Variants in ETV5 observed in about 807,000 individuals in gnomAD.
ETV5 encodes the protein ETS variant transcription factor 5, also known as ETS translocation variant 5.
A neutral mutation model predicts 70.0 loss-of-function variants in ETV5; 10 were observed. That is an observed-to-expected ratio of 0.14 (90% CI 0.09 to 0.24). The LOEUF (loss-of-function observed/expected upper bound fraction) is 0.24, where lower values mean the gene tolerates loss of function less well. Ranked by LOEUF, ETV5 falls within the 10% of genes least tolerant of loss-of-function variation. The pLI, the probability that ETV5 is intolerant of heterozygous loss-of-function variation, is 1.00. For synonymous variants in ETV5, 216 were observed against 242.2 expected, an observed-to-expected ratio of 0.89 and a Z score of 1.01; for missense variants, 453 against 651.2, an observed-to-expected ratio of 0.70 and a Z score of 3.31.
chr3:186,075,290 G>A lies in ETV5; in HGVS notation c.650+4527C>T, dbSNP rs1172678523. Among the ~76,000 whole-genome samples, 33 of 152,186 alleles carry A rather than the reference G, an allele frequency of 2.2e-4. 1 individual carries two copies. Among genetic ancestry groups the A allele is most frequent in the Admixed American group, 2.2e-3 (33 of 15,270 alleles). ...TGCCATACACAACATGTTATTAACAGGCACTTGGAGAAGAGATGCATCAGG... is the reference window on the plus strand; with the variant it reads ...TGCCATACACAACATGTTATTAACAAGCACTTGGAGAAGAGATGCATCAGG... On this transcript the variant is annotated intron_variant, in intron 7 of 12. Coordinates refer to ENST00000306376, the MANE Select transcript of ETV5 (RefSeq NM_004454.3).
intron 7 of ETV5, among the ~76,000 whole-genome samples, chr3:186,074,240 A>C (rs1553787925): frequency 6.6e-6 from 1 of 152,174 alleles, no homozygotes; most frequent in Non-Finnish European, 1.5e-5. Flanking sequence ...AAAATGGACA[A>C]CTTCTTAGAA....
intron 9 of ETV5, among the ~76,000 whole-genome samples, chr3:186,059,131 T>C (rs548912880): frequency 6.6e-6 from 1 of 152,230 alleles, no homozygotes; most frequent in South Asian, 2.1e-4. Context: ...CCAGATCAAG[T>C]AGCTTCTTGG....
chr3:186,106,302 G>T (rs1432907006), intron 1 of ETV5, among the ~76,000 whole-genome samples: 1 of 152,102 alleles, frequency 6.6e-6, no homozygotes, highest in Non-Finnish European at 1.5e-5. Context: ...TTTGTAGTAG[G>T]GTTTTTAAAA....
At chr3:186,083,800 TA>T (rs756552778) in intron 5 of ETV5, among the ~76,000 whole-genome samples, 4 of 152,118 alleles carry the variant, frequency 2.6e-5, no homozygotes, top group Non-Finnish European at 5.9e-5. Context: ...CAATGTTAGT[TA>T]CATATACTTT....
intron 5 of ETV5, among the ~76,000 whole-genome samples, chr3:186,096,336 C>T (rs1714302417): frequency 1.3e-5 from 2 of 152,126 alleles, no homozygotes; most frequent in Non-Finnish European, 1.5e-5. Flanking sequence ...AAGAGACATC[C>T]CCCCCTCTTC....
intron 12 of ETV5, 32 bp from the exon 13 acceptor site, chr3:186,048,892 G>T: frequency 6.4e-7 from 1 of 1,571,078 alleles, no homozygotes; most frequent in Non-Finnish European, 8.7e-7. Context: ...ACAGGGCCCA[G>T]TTGGAACAGG....
rs1443952941 is a variant in ETV5 at position 186,081,159 on chromosome 3, T to C, written c.249A>G (p.Pro83=). The C allele has an allele frequency of 6.2e-7, 1 of 1,612,552 alleles. No homozygotes were observed. The highest frequency in any genetic ancestry group is 1.3e-5 in the African/African-American group (1 of 74,804). ...FQSDNLVLHA[P]PPTKIKRELH... is the part of the protein sequence containing the mutation. ...GCTCCCGTTTGATCTTGGTTGGAGG[T>C]GGGGCATGAAGCACCACTGAAATCA... Residue 83 remains proline, a synonymous_variant, in exon 6 of 13, where the codon CCA becomes CCG. Transcript: ENST00000306376.
chr3:186,085,802 A>G (rs901431720), intron 5 of ETV5, among the ~76,000 whole-genome samples: 3 of 152,076 alleles, frequency 2.0e-5, no homozygotes, highest in African/African-American at 7.2e-5. Context: ...GAGCCACCGT[A>G]CCCGGCAGCC....
At chr3:186,067,950 A>T (rs1292014498) in intron 7 of ETV5, among the ~76,000 whole-genome samples, 1 of 152,262 alleles carries the variant, frequency 6.6e-6, no homozygotes, top group Non-Finnish European at 1.5e-5. Context: ...CAAGAGGAAA[A>T]AAATGGGCAA....
intron 1 of ETV5, chr3:186,106,835 G>C (rs1714600274): frequency 1.9e-6 from 1 of 521,876 alleles, no homozygotes; most frequent in Non-Finnish European, 2.5e-6. Flanking sequence ...CCTAACGTGA[G>C]TGGAATAAAG....
intron 9 of ETV5, among the ~76,000 whole-genome samples, chr3:186,063,914 A>G (rs1397351848): frequency 6.6e-6 from 1 of 152,214 alleles, no homozygotes; most frequent in South Asian, 2.1e-4. Flanking sequence ...CAAACTAAGT[A>G]AAAAACCTAG....
chr3:186,067,822 G>A (rs934743715), intron 7 of ETV5, among the ~76,000 whole-genome samples: 3 of 152,124 alleles, frequency 2.0e-5, no homozygotes, highest in Non-Finnish European at 4.4e-5. Context: ...AGAATCTGCA[G>A]TAGTCAGAAA....
Position 186,047,149 on chromosome 3 carries a change from C to A in ETV5, c.*1490G>T. The A allele has an allele frequency of 4.4e-6, 1 of 229,248 alleles. No homozygotes were observed. Among genetic ancestry groups the A allele is most frequent in the East Asian group, 6.3e-5 (1 of 15,968 alleles). 14.2% of individuals were successfully genotyped at this position (229,248 alleles called of 1,614,324 possible). A position where few individuals can be genotyped will look rare whatever the true frequency, so the allele number is the denominator to read the frequency against. ...GTGTCACGGGGAGCACAGAATTCTA[C>A]CAGCAGAGCAGGCAGCAAGGTACCA... On this transcript the variant is annotated 3_prime_UTR_variant, in exon 13 of 13. Coordinates refer to ENST00000306376, the MANE Select transcript of ETV5 (RefSeq NM_004454.3).
Position 186,065,837 on chromosome 3 carries a change from G to C in ETV5, c.886C>G (p.Pro296Ala), listed in dbSNP as rs1713428437. ...CCTGAATCGACGCAGTAATCCCGAG[G>C]CTCCTGCTTGATTCCCATTGGTGAC... ...FQSPMGIKQE[P>A]RDYCVDSEVP... Residue 296 changes from proline (P) to alanine (A), a missense_variant, in exon 8 of 13, where the codon CCT becomes GCT. Around this residue, in one of 4 missense-constraint regions of ETV5, gnomAD observed 307 missense variants for 344.9 expected, o/e 0.89. Coordinates refer to ENST00000306376, the MANE Select transcript of ETV5 (RefSeq NM_004454.3). 4.3e-6 allele frequency: 7 copies of C among 1,614,130 alleles called. No homozygotes were observed. The highest frequency in any genetic ancestry group is 5.9e-6 in the Non-Finnish European group (7 of 1,180,032).
chr3:186,060,087 C>T (rs747267974), intron 9 of ETV5, among the ~76,000 whole-genome samples: 2 of 152,122 alleles, frequency 1.3e-5, no homozygotes, highest in African/African-American at 2.4e-5. Context: ...TTTTGATATT[C>T]CGGTGATGTT....
Position 186,108,329 on chromosome 3 carries a change from C to T in ETV5, c.-75+611G>A, listed in dbSNP as rs149127052. 3.1e-3 allele frequency: 1,465 copies of T among 473,468 alleles called. 14 individuals are homozygous for T. The highest frequency in any genetic ancestry group is 0.027 in the African/African-American group (1,351 of 50,452). 29.3% of individuals were successfully genotyped at this position (473,468 alleles called of 1,614,324 possible). A position where few individuals can be genotyped will look rare whatever the true frequency, so the allele number is the denominator to read the frequency against. Reference sequence around the variant, plus strand: ...GTGCGCCCCGATTTTCTCGAGTCGCCGCACAGCCGGACGCCCTCAGCCTGC... The same window carrying T: ...GTGCGCCCCGATTTTCTCGAGTCGCTGCACAGCCGGACGCCCTCAGCCTGC... On this transcript the variant is annotated intron_variant, in intron 1 of 12. Transcript: ENST00000306376.
intron 9 of ETV5, among the ~76,000 whole-genome samples, chr3:186,061,747 T>A (rs766049961): frequency 2.0e-5 from 3 of 152,170 alleles, no homozygotes; most frequent in Non-Finnish European, 4.4e-5. Context: ...CCCTCAAGCA[T>A]GATCTCAGTC....
intron 9 of ETV5, among the ~76,000 whole-genome samples, chr3:186,060,629 A>C (rs1157762166): frequency 6.6e-6 from 1 of 152,248 alleles, no homozygotes; most frequent in Non-Finnish European, 1.5e-5. Context: ...ATCTGTGGTC[A>C]AGCCTGTATA....
Position 186,064,461 on chromosome 3 carries a change from T to C in ETV5, c.926A>G (p.Gln309Arg). 1 of 1,614,174 alleles carries C rather than the reference T, an allele frequency of 6.2e-7. No individual in the cohort carries two copies. The highest frequency in any genetic ancestry group is 8.5e-7 in the Non-Finnish European group (1 of 1,180,028). The change falls in exon 9 of 13, where the codon CAG becomes CGG. Residue 309 changes from glutamine (Q) to arginine (R), a missense_variant. Gln to Arg is a conservative substitution (Grantham distance 43). Transcript: ENST00000306376. ...ATAACCCCCTCTCATGTAGGATGAC[T>C]GGCAGTTAGGCACTTCTGAAAGGAA... ...YCVDSEVPNC[Q>R]SSYMRGGYFS...
Sources: allele counts gnomAD v4.1 joint callset (sites outside exome capture counted in the v4.1 genomes callset), GRCh38; gene constraint gnomAD v4.1.1; regional missense constraint gnomAD v4.1.1; transcripts MANE v1.5; gene names NCBI Gene and HGNC (gene_info 2026-07-23, HGNC 2026-07-21).